The following ZFR2 variants were observed in gnomAD, a reference collection of about 807,000 sequenced individuals.
ZFR2 encodes the protein zinc finger RNA binding protein 2.
In ZFR2, 104 loss-of-function variants were observed where a neutral mutation model predicts 105.7. The observed-to-expected ratio is 0.98, with a 90% confidence interval of 0.84 to 1.16. The LOEUF (loss-of-function observed/expected upper bound fraction) is 1.16. Among genes scored for constraint, ZFR2 ranks in the 50% most tolerant of loss-of-function variants. The probability of loss-of-function intolerance (pLI) is 0.00; values close to 1 mark genes in which losing one functional copy is unlikely to be tolerated. For synonymous variants in ZFR2, 634 were observed against 597.7 expected (o/e 1.06, Z -0.89); for missense variants, 1,425 against 1,355.5 (o/e 1.05, Z -0.80).
Position 3,816,271 on chromosome 19 carries a change from A to T in ZFR2, c.2103+403T>A, listed in dbSNP as rs1205054865. Among the ~76,000 whole-genome samples, 5 of 111,674 alleles carry T rather than the reference A, an allele frequency of 4.5e-5. No homozygotes were observed. In the East Asian group the frequency reaches 1.3e-3, roughly 30 times the overall value. 73.3% of individuals were successfully genotyped at this position (111,674 alleles called of 152,430 possible). A position where few individuals can be genotyped will look rare whatever the true frequency, so the allele number is the denominator to read the frequency against. On this transcript the variant is annotated intron_variant, in intron 13 of 18. Transcript: ENST00000262961. ...TTTTTTTTTTTTTTTTTTGAGACCCAGTCTCGCTCTGTCGCCCAGGCTGGA... is the reference window on the plus strand; with the variant it reads ...TTTTTTTTTTTTTTTTTTGAGACCCTGTCTCGCTCTGTCGCCCAGGCTGGA...
Position 3,831,734 on chromosome 19 carries a change from T to C in ZFR2, c.524A>G (p.Gln175Arg). Residue 175 changes from glutamine (Q) to arginine (R), a missense_variant, in exon 4 of 19, where the codon CAG (glutamine) becomes CGG (arginine). Coordinates refer to ENST00000262961, the MANE Select transcript of ZFR2 (RefSeq NM_015174.2). The stretch of plus-strand genomic sequence containing the variant: ...CACGATGGAAGCTGACGACTCGGGC[T>C]GGACGCCTGTCGCCGTGGGGTAGGT... ...GYTYPTATGV[Q>R]PESSASIVTS... 2 of 1,604,964 alleles carry C rather than the reference T, an allele frequency of 1.2e-6. No individual in the cohort carries two copies. The highest frequency in any genetic ancestry group is 1.7e-6 in the Non-Finnish European group (2 of 1,175,818).
chr19:3,842,409 GC>G (rs1431882159), intron 1 of ZFR2, among the ~76,000 whole-genome samples: 3 of 152,124 alleles, frequency 2.0e-5, no homozygotes, highest in African/African-American at 7.2e-5. Flanking sequence ...AATTTTTAAA[GC>G]AAAGAAACCC....
At chr19:3,849,015 A>G (rs2038209650) in intron 1 of ZFR2, among the ~76,000 whole-genome samples, 1 of 152,158 alleles carries the variant, frequency 6.6e-6, no homozygotes, top group Non-Finnish European at 1.5e-5. Context: ...AAACAAAACA[A>G]AACAAAAACC....
intron 11 of ZFR2, among the ~76,000 whole-genome samples, chr19:3,819,728 C>T (rs2145145152): frequency 6.6e-6 from 1 of 152,168 alleles, no homozygotes; most frequent in East Asian, 1.9e-4. Flanking sequence ...GGCGGGCGCC[C>T]ATAGTCCTGG....
Position 3,809,124 on chromosome 19 carries a change from G to A in ZFR2, c.2434-141C>T, listed in dbSNP as rs918587680. On this transcript the variant is annotated intron_variant, in intron 16 of 18. Transcript: ENST00000262961. ...CACCACCCACTGAACTTCCGCCGAG[G>A]AGGGCTGCCCGTGGCAGGGCTCTGC... 3 of 599,578 alleles carry A rather than the reference G, an allele frequency of 5.0e-6. No individual in the cohort carries two copies. The African/African-American group carries it at 5.8e-5, about 12-fold the overall frequency. The allele number at this position is 599,578 out of a possible 1,614,324, so 37.1% of individuals were successfully genotyped here. A position where few individuals can be genotyped will look rare whatever the true frequency, so the allele number is the denominator to read the frequency against.
Position 3,823,263 on chromosome 19 carries a change from G to A in ZFR2, c.1354C>T (p.Pro452Ser). 6.2e-7 allele frequency: 1 copy of A among 1,613,858 alleles called. No individual in the cohort carries two copies. Among genetic ancestry groups the A allele is most frequent in the South Asian group, 1.1e-5 (1 of 91,078 alleles). Residue 452 changes from proline to serine, a missense_variant, in exon 8 of 19, where the codon CCG becomes TCG. Transcript: ENST00000262961. The surrounding 1 kb of genome is among the most constrained non-coding windows in gnomAD (Gnocchi z 5.4). ...AGCSDAQPVG[P>S]EYVEEVFSDE... ...CGACTTACCTCCTCCACATATTCCG[G>A]GCCCACCGGCTGCGCATCAGAGCAG... is the stretch of plus-strand genomic sequence containing the variant.
At chr19:3,809,749 T>G (rs985976655) in intron 16 of ZFR2, among the ~76,000 whole-genome samples, 3 of 151,790 alleles carry the variant, frequency 2.0e-5, no homozygotes, top group East Asian at 1.9e-4. Flanking sequence ...TTCGAGACCA[T>G]CCTGGCCAAC....
chr19:3,857,191 G>A (rs1312585576), intron 1 of ZFR2, among the ~76,000 whole-genome samples: 1 of 145,842 alleles, frequency 6.9e-6, no homozygotes, highest in East Asian at 2.1e-4. Flanking sequence ...GGGCTCAAGC[G>A]ATTCTCCTGC....
chr19:3,838,302 T>C lies in ZFR2; in HGVS notation c.54-3319A>G, dbSNP rs1375428804. On this transcript the variant is annotated intron_variant, in intron 1 of 18. Coordinates refer to ENST00000262961, the MANE Select transcript of ZFR2 (RefSeq NM_015174.2). The surrounding 1 kb of genome is among the most constrained non-coding windows in gnomAD (Gnocchi z 4.9). ...ATGACTACAGACACCTGATGAACAC[T>C]ATGACAGTGGCAGTACTCCTGTTCC... Among the ~76,000 whole-genome samples, 2 of 152,192 alleles carry C rather than the reference T, an allele frequency of 1.3e-5. No individual in the cohort carries two copies. Among genetic ancestry groups the C allele is most frequent in the African/African-American group, 4.8e-5 (2 of 41,458 alleles).
chr19:3,857,923 C>T (rs2038326980), intron 1 of ZFR2, among the ~76,000 whole-genome samples: 1 of 152,092 alleles, frequency 6.6e-6, no homozygotes, highest in South Asian at 2.1e-4. Context: ...ACGGGGAGCC[C>T]AGGCTAACAT....
chr19:3,819,126 G>A lies in ZFR2; in HGVS notation c.1850C>T (p.Ala617Val), dbSNP rs1220831775. Residue 617 changes from alanine to valine, a missense_variant, in exon 12 of 19, where the codon GCA (alanine) becomes GTA (valine). Physicochemically the swap from Ala to Val is moderately conservative, Grantham distance 64. Transcript: ENST00000262961. The stretch of plus-strand genomic sequence containing the variant: ...GGACACCAGCTTGAGGGCCCGCTCT[G>A]CGTGGGACACGGCCCTCTGCACGGC... ...LLAVQRAVSHAERALKLVSDT... is the reference protein window; with the variant it reads ...LLAVQRAVSHVERALKLVSDT... 3 of 1,611,290 alleles carry A rather than the reference G, an allele frequency of 1.9e-6. No individual in the cohort carries two copies. In the East Asian group the frequency reaches 6.7e-5, roughly 36 times the overall value.
chr19:3,857,632 G>A (rs538296912), intron 1 of ZFR2, among the ~76,000 whole-genome samples: 1 of 149,580 alleles, frequency 6.7e-6, no homozygotes, highest in Admixed American at 6.7e-5. Flanking sequence ...GGAGGCGGAG[G>A]TTGCTGTGAG....
At chr19:3,855,266 G>T in intron 1 of ZFR2, 1 of 736,810 alleles carries the variant, frequency 1.4e-6, no homozygotes. Flanking sequence ...AAAATCATTT[G>T]CATTTTCAGA....
rs113611862 is a variant in ZFR2, at chr19:3,854,809, G to C, written c.53+14156C>G. On this transcript the variant is annotated intron_variant, in intron 1 of 18. Transcript: ENST00000262961. ...GACAGGGTCTCGCTCTGTCACCCTG[G>C]CTAGAGTACAGTGATGCAATCATAG... 8.3e-3 allele frequency among the ~76,000 whole-genome samples: 1,267 copies of C among 152,280 alleles called. 16 individuals carry two copies. The highest frequency in any genetic ancestry group is 0.029 in the African/African-American group (1,212 of 41,540).
chr19:3,807,209 G>A lies in ZFR2; in HGVS notation c.2606C>T (p.Thr869Ile), dbSNP rs1249412489. Residue 869 changes from threonine (T) to isoleucine (I), a missense_variant, in exon 18 of 19, where the codon ACC (threonine) becomes ATC (isoleucine). Transcript: ENST00000262961. Reference sequence around the variant, plus strand: ...GGTCACGTCTTCCCGCTCTTGGAGGGTCATGGGCTCGAGGGCATCTGTCTG... The same window carrying A: ...GGTCACGTCTTCCCGCTCTTGGAGGATCATGGGCTCGAGGGCATCTGTCTG... The part of the protein sequence containing the change: ...RDQTDALEPM[T>I]LQEREDVTAS... 1.5e-5 allele frequency: 24 copies of A among 1,559,750 alleles called. No homozygotes were observed. Among genetic ancestry groups the A allele is most frequent in the Non-Finnish European group, 2.1e-5 (24 of 1,151,230 alleles).
Position 3,813,057 on chromosome 19 carries a change from G to A in ZFR2, c.2242+763C>T, listed in dbSNP as rs993395314. ...ATTGCGCCATTGCACTCCAGCCTGG[G>A]CAACAGAGCGAGACTCTGTCTCAAA... On this transcript the variant is annotated intron_variant, in intron 14 of 18. Coordinates refer to ENST00000262961, the MANE Select transcript of ZFR2 (RefSeq NM_015174.2). The surrounding 1 kb of genome is among the most constrained non-coding windows in gnomAD (Gnocchi z 4.4). 2.0e-5 allele frequency among the ~76,000 whole-genome samples: 3 copies of A among 152,164 alleles called. No homozygotes were observed. The highest frequency in any genetic ancestry group is 2.0e-4 in the Admixed American group (3 of 15,260).
chr19:3,808,554 T>A (rs974479161), intron 17 of ZFR2, among the ~76,000 whole-genome samples: 3 of 152,182 alleles, frequency 2.0e-5, no homozygotes, highest in African/African-American at 7.2e-5. Context: ...TGTGCCAGAG[T>A]GGCTCTGTGC....
At chr19:3,829,454 TTGTG>T (rs113401682) in intron 5 of ZFR2, among the ~76,000 whole-genome samples, 29 of 149,728 alleles carry the variant, frequency 1.9e-4, no homozygotes, top group South Asian at 4.2e-4. Flanking sequence ...ATAGGTAGGT[TTGTG>T]TGTGTGTGTG....
intron 1 of ZFR2, among the ~76,000 whole-genome samples, chr19:3,844,822 A>G (rs1400489349): frequency 6.6e-6 from 1 of 152,156 alleles, no homozygotes; most frequent in Non-Finnish European, 1.5e-5. Context: ...CGTGGGAAGG[A>G]ATTCCTCTCC....
Sources: allele counts gnomAD v4.1 joint callset (sites outside exome capture counted in the v4.1 genomes callset), GRCh38; gene constraint gnomAD v4.1.1; non-coding constraint Gnocchi (gnomAD v3.1); transcripts MANE v1.5; gene names NCBI Gene and HGNC (gene_info 2026-07-23, HGNC 2026-07-21).